The following PLIN1 variants were observed in gnomAD, a reference collection of about 807,000 sequenced individuals.
PLIN1 encodes the protein perilipin 1, also known as perilipin-1.
In PLIN1, 37 loss-of-function variants were observed where a neutral mutation model predicts 45.8. The observed-to-expected ratio is 0.81, with a 90% CI of 0.62 to 1.06. The LOEUF (loss-of-function observed/expected upper bound fraction) is 1.06. Ranked by LOEUF, PLIN1 falls within the 50% of genes least tolerant of loss-of-function variation. The pLI, the probability that PLIN1 is intolerant of heterozygous loss-of-function variation, is 0.00. For synonymous variants in PLIN1, 340 were observed against 309.2 expected, an observed-to-expected ratio of 1.10 and a Z score of -1.05; for missense variants, 776 against 716.5, an observed-to-expected ratio of 1.08 and a Z score of -0.95.
intron 2 of PLIN1, 73 bp from the exon 3 acceptor site, chr15:89,673,487 A>T: frequency 8.3e-7 from 1 of 1,209,656 alleles, no homozygotes. Flanking sequence ...CCCCGGGGTC[A>T]TGGGGACCAA....
In PLIN1 at chr15:89,667,002, C is replaced by T. The variant is rs1964353624; in HGVS notation, c.1143G>A (p.Met381Ile). 6.2e-7 allele frequency: 1 copy of T among 1,614,134 alleles called. No homozygotes were observed. Among genetic ancestry groups the T allele is most frequent in the African/African-American group, 1.3e-5 (1 of 75,054 alleles). Reference protein sequence around the residue: ...PAVSSTKGRAMSLSDALKGVT... With the variant: ...PAVSSTKGRAISLSDALKGVT... ...CGCCCTTCAGGGCATCTGATAGGGACATGGCCCTCCCCTTGGTTGAGGAGA... is the reference window on the plus strand; with the variant it reads ...CGCCCTTCAGGGCATCTGATAGGGATATGGCCCTCCCCTTGGTTGAGGAGA... Residue 381 changes from methionine (M) to isoleucine (I), a missense_variant, in exon 8 of 9, where the codon ATG (methionine) becomes ATA (isoleucine). Met to Ile is a conservative substitution (Grantham distance 10). Transcript: ENST00000300055.
chr15:89,670,015 A>C lies in PLIN1; in HGVS notation c.563T>G (p.Val188Gly), dbSNP rs1964413194. The C allele has an allele frequency of 1.2e-6, 2 of 1,613,248 alleles. No individual in the cohort carries two copies. Among genetic ancestry groups the C allele is most frequent in the Non-Finnish European group, 8.5e-7 (1 of 1,179,782 alleles). Residue 188 changes from valine (V) to glycine (G), a missense_variant, in exon 5 of 9, where the codon GTG (valine) becomes GGG (glycine). Physicochemically the swap from Val to Gly is moderately radical, Grantham distance 109. Coordinates refer to ENST00000300055, the MANE Select transcript of PLIN1 (RefSeq NM_002666.5). ...CTTGTCTGGAGGGAGGAGGTACTCC[A>C]CCACCTTCTCAATGCTGCCCAAGGC... is the stretch of plus-strand genomic sequence containing the variant. ...DLALGSIEKV[V>G]EYLLPPDKEE...
At chr15:89,666,780 TA>T (rs1964347235) in intron 8 of PLIN1, among the ~76,000 whole-genome samples, 155 bp downstream of exon 8, 1 of 152,142 alleles carries the variant, frequency 6.6e-6, no homozygotes, top group Non-Finnish European at 1.5e-5. Flanking sequence ...CCCAGTATGT[TA>T]AAATGTTGCC....
chr15:89,673,521 G>T, intron 2 of PLIN1, 107 bp from the exon 3 acceptor site: 1 of 891,522 alleles, frequency 1.1e-6, no homozygotes, highest in Admixed American at 2.0e-5. Flanking sequence ...CTGAGTCCAA[G>T]CGACCTGGGA....
rs1284420815 is a variant in PLIN1, at chr15:89,665,598, C to G, written c.1554G>C (p.Leu518=). 6.5e-7 allele frequency: 1 copy of G among 1,531,668 alleles called. No homozygotes were observed. Among genetic ancestry groups the G allele is most frequent in the Non-Finnish European group, 8.8e-7 (1 of 1,141,496 alleles). The allele number at this position is 1,531,668 out of a possible 1,614,324, so 94.9% of individuals were successfully genotyped here. A position where few individuals can be genotyped will look rare whatever the true frequency, so the allele number is the denominator to read the frequency against. The part of the protein sequence containing the change: ...PILGRTHYSQ[L]RKKS ...GTGCGGCGACTCAGCTCTTCTTGCG[C>G]AGCTGGCTGTAATGCGTGCGGCCCA... Residue 518 remains leucine (L), a synonymous_variant, in exon 9 of 9, where the codon CTG becomes CTC. Coordinates refer to ENST00000300055, the MANE Select transcript of PLIN1 (RefSeq NM_002666.5).
intron 2 of PLIN1, among the ~76,000 whole-genome samples, chr15:89,674,696 C>T (rs1182663077): frequency 1.3e-5 from 2 of 152,180 alleles, no homozygotes; most frequent in African/African-American, 4.8e-5. Flanking sequence ...CCTATTTCCT[C>T]ATCCATGGGT....
chr15:89,666,812 G>T (rs1402983277), intron 8 of PLIN1, 124 bp downstream of exon 8: 14 of 1,061,916 alleles, frequency 1.3e-5, no homozygotes, highest in East Asian at 9.9e-5. Flanking sequence ...GGACTGGAGT[G>T]GGGGGCGGTC....
At position 89,666,990 on chromosome 15, in the gene PLIN1, A is replaced by G. The variant is rs952633761; in HGVS notation, c.1155T>C (p.Asp385=). The G allele has an allele frequency of 9.9e-6, 16 of 1,613,968 alleles. No individual in the cohort carries two copies. Among genetic ancestry groups the G allele is most frequent in the African/African-American group, 1.3e-5 (1 of 74,940 alleles). Residue 385 remains aspartate (D), a synonymous_variant, in exon 8 of 9, where the codon GAT becomes GAC. Coordinates refer to ENST00000300055, the MANE Select transcript of PLIN1 (RefSeq NM_002666.5). The part of the protein sequence containing the change: ...STKGRAMSLS[D]ALKGVTDNVV... ...CGTTGTCAGTAACGCCCTTCAGGGC[A>G]TCTGATAGGGACATGGCCCTCCCCT...
In PLIN1 at chr15:89,669,511, C is replaced by T. The variant is rs540314222; in HGVS notation, c.760G>A (p.Val254Met). 1.7e-5 allele frequency: 28 copies of T among 1,612,270 alleles called. No homozygotes were observed. The highest frequency in any genetic ancestry group is 6.7e-5 in the Admixed American group (4 of 60,034). ...GHTVAMWIPG[V>M]VPLSSLAQWG... The stretch of plus-strand genomic sequence containing the variant: ...CGGCAGATACTTACCAGGGGCACCA[C>T]GCCTGGGATCCACATGGCCACGGTG... Residue 254 changes from valine to methionine, a missense_variant, in exon 6 of 9, where the codon GTG (valine) becomes ATG (methionine). Coordinates refer to ENST00000300055, the MANE Select transcript of PLIN1 (RefSeq NM_002666.5).
At position 89,665,351 on chromosome 15, in the gene PLIN1, C is replaced by T; in HGVS notation, c.*232G>A. On this transcript the variant is annotated 3_prime_UTR_variant, in exon 9 of 9. Coordinates refer to ENST00000300055, the MANE Select transcript of PLIN1 (RefSeq NM_002666.5). ...CAAGCCATAGAATCAGAGCAGGCTG[C>T]GGCTCTGGTGTCCCTTAAAAACTGG... is the stretch of plus-strand genomic sequence containing the variant. The T allele has an allele frequency of 2.8e-6, 1 of 360,976 alleles. No individual in the cohort carries two copies. Among genetic ancestry groups the T allele is most frequent in the East Asian group, 4.3e-5 (1 of 23,294 alleles). The allele number at this position is 360,976 out of a possible 1,614,324, so 22.4% of individuals were successfully genotyped here.
In PLIN1 at chr15:89,665,487, C is replaced by T; in HGVS notation, c.*96G>A. ...GATGAGGCTGAGCTCCCCAGGGGAC[C>T]ACTTTGAAAGTGGCAACGCTCGCCT... On this transcript the variant is annotated 3_prime_UTR_variant, in exon 9 of 9. Transcript: ENST00000300055. 5 of 1,220,624 alleles carry T rather than the reference C, an allele frequency of 4.1e-6. No homozygotes were observed. The South Asian group carries it at 5.7e-5, about 14-fold the overall frequency. The allele number at this position is 1,220,624 out of a possible 1,614,324, so 75.6% of individuals were successfully genotyped here. A position where few individuals can be genotyped will look rare whatever the true frequency, so the allele number is the denominator to read the frequency against.
chr15:89,674,635 G>C (rs1964488669), intron 2 of PLIN1, among the ~76,000 whole-genome samples: 1 of 152,070 alleles, frequency 6.6e-6, no homozygotes, highest in South Asian at 2.1e-4. Flanking sequence ...GCTGAAATTT[G>C]CCTCCACCCC....
chr15:89,667,228 C>A (rs764323923), intron 7 of PLIN1, 47 bp from the exon 8 acceptor site: 2 of 1,607,560 alleles, frequency 1.2e-6, no homozygotes, highest in East Asian at 2.2e-5. Context: ...ACTCCCCTGA[C>A]CCTTCCCTCC....
chr15:89,677,444 C>A lies in PLIN1; in HGVS notation c.45+1G>T, dbSNP rs1353919877. On this transcript the variant is annotated splice_donor_variant, in intron 2 of 8. Coordinates refer to ENST00000300055, the MANE Select transcript of PLIN1 (RefSeq NM_002666.5). LOFTEE classifies it high-confidence loss of function. The stretch of plus-strand genomic sequence containing the variant: ...GTCACAGATGAGCCCAAGTTACTTA[C>A]AGGGAGGTCTCCATCCAGCAAGGTG... The A allele has an allele frequency of 6.2e-7, 1 of 1,613,176 alleles. No homozygotes were observed. The highest frequency in any genetic ancestry group is 1.7e-5 in the Admixed American group (1 of 60,022).
intron 2 of PLIN1, chr15:89,676,482 T>A (rs369007708): frequency 1.3e-5 from 2 of 152,168 alleles, no homozygotes; most frequent in African/African-American, 4.8e-5. Context: ...CTCCTGACCT[T>A]GTGAACCGCC....
Position 89,670,124 on chromosome 15 carries a change from G to A in PLIN1, c.454C>T (p.Leu152Phe), listed in dbSNP as rs1194207862. ...GTGTCTCTGGCCACCCCCCAGGCAA[G>A]CTCGCACCCGGCCAAAGCGGCCCCC... ...VLGAALAGCE[L>F]AWGVARDTAE... Residue 152 changes from leucine to phenylalanine, a missense_variant, in exon 5 of 9, where the codon CTT (leucine) becomes TTT (phenylalanine). Physicochemically the swap from Leu to Phe is conservative, Grantham distance 22. Coordinates refer to ENST00000300055, the MANE Select transcript of PLIN1 (RefSeq NM_002666.5). 6 of 1,614,212 alleles carry A rather than the reference G, an allele frequency of 3.7e-6. 1 individual carries two copies. Among genetic ancestry groups the A allele is most frequent in the Non-Finnish European group, 8.5e-7 (1 of 1,180,030 alleles).
chr15:89,677,554 A>C, intron 1 of PLIN1, 51 bp from the exon 2 acceptor site: 4 of 1,471,518 alleles, frequency 2.7e-6, no homozygotes, highest in African/African-American at 1.4e-5. Flanking sequence ...CTTGAGCTCC[A>C]CTGGGTCACT....
chr15:89,666,414 C>T (rs1009641963), intron 8 of PLIN1, among the ~76,000 whole-genome samples: 1 of 152,186 alleles, frequency 6.6e-6, no homozygotes, highest in Non-Finnish European at 1.5e-5. Flanking sequence ...CCAGCCCCGC[C>T]CCCCAGGCCT....
rs1964555376 is a variant in PLIN1 at position 89,678,673 on chromosome 15, T to C, written c.-15+578A>G. On this transcript the variant is annotated intron_variant, in intron 1 of 8. Coordinates refer to ENST00000300055, the MANE Select transcript of PLIN1 (RefSeq NM_002666.5). ...GGCAAGCACCTGTAATCCCAGCTAC[T>C]GAGGCTGACATGGGAGAATTGCTTG... Among the ~76,000 whole-genome samples, 5 of 152,274 alleles carry C rather than the reference T, an allele frequency of 3.3e-5. No individual in the cohort carries two copies. The South Asian group carries it at 1.0e-3, about 32-fold the overall frequency.
Sources: allele counts gnomAD v4.1 joint callset (sites outside exome capture counted in the v4.1 genomes callset), GRCh38; gene constraint gnomAD v4.1.1; transcripts MANE v1.5; gene names NCBI Gene and HGNC (gene_info 2026-07-23, HGNC 2026-07-21).